Variants in KIAA0319L observed in about 807,000 individuals in gnomAD.
KIAA0319L encodes dyslexia-associated protein KIAA0319-like protein.
KIAA0319L carries 55 observed loss-of-function variants against 120.1 expected under a neutral mutation model. The observed-to-expected ratio is 0.46, with a 90% confidence interval of 0.37 to 0.57. The LOEUF is 0.57. Among genes scored for constraint, KIAA0319L ranks in the 20% least tolerant of loss-of-function variants. KIAA0319L has a pLI of 0.00. For synonymous variants in KIAA0319L, 398 were observed against 471.9 expected, an observed-to-expected ratio of 0.84 and a Z score of 2.03; for missense variants, 1,049 against 1,255.3, an observed-to-expected ratio of 0.84 and a Z score of 2.48.
At chr1:35,511,910 TTA>T (rs1645461487) in intron 2 of KIAA0319L, among the ~76,000 whole-genome samples, 2 of 152,188 alleles carry the variant, frequency 1.3e-5, no homozygotes, top group African/African-American at 4.8e-5. Context: ...AATCTATATA[TTA>T]TGTTCTTATT....
At chr1:35,484,856 C>T (rs1180841964) in intron 3 of KIAA0319L, among the ~76,000 whole-genome samples, 1 of 132,296 alleles carries the variant, frequency 7.6e-6, no homozygotes, top group Admixed American at 8.2e-5. Context: ...GCACATTGTG[C>T]AGGTTAGTTA....
At chr1:35,481,954 A>G (rs2149148368) in intron 3 of KIAA0319L, among the ~76,000 whole-genome samples, 2 of 149,702 alleles carry the variant, frequency 1.3e-5, no homozygotes, top group Admixed American at 1.4e-4. Context: ...CCTCCTGAGT[A>G]GCTGGGACTA....
chr1:35,442,142 A>C (rs1641272586), intron 19 of KIAA0319L, 104 bp downstream of exon 19: 4 of 858,210 alleles, frequency 4.7e-6, no homozygotes, highest in Non-Finnish European at 7.9e-6. Flanking sequence ...ATGCTGACTA[A>C]GGACCCAGCC....
chr1:35,508,424 C>T (rs917711518), intron 2 of KIAA0319L, among the ~76,000 whole-genome samples: 1 of 152,128 alleles, frequency 6.6e-6, no homozygotes, highest in South Asian at 2.1e-4. Flanking sequence ...CTGACTCCCA[C>T]GGAATACTTA....
Position 35,470,938 on chromosome 1 carries a change from C to A in KIAA0319L, c.1038G>T (p.Trp346Cys). Reference protein sequence around the residue: ...PPKGETYTYDWQLITHPRDYS... With the variant: ...PPKGETYTYDCQLITHPRDYS... ...AGTCTCTAGGATGAGTAATCAGCTG[C>A]CAGTCGTAGGTGTAGGTTTCTCCTA... Residue 346 changes from tryptophan (W) to cysteine (C), a missense_variant, in exon 6 of 21, where the codon TGG (tryptophan) becomes TGT (cysteine). Coordinates refer to ENST00000325722, the MANE Select transcript of KIAA0319L (RefSeq NM_024874.5). 6.2e-7 allele frequency: 1 copy of A among 1,611,498 alleles called. No individual in the cohort carries two copies. The highest frequency in any genetic ancestry group is 8.5e-7 in the Non-Finnish European group (1 of 1,177,628).
chr1:35,483,562 A>G (rs910792152), intron 3 of KIAA0319L, among the ~76,000 whole-genome samples: 2 of 152,174 alleles, frequency 1.3e-5, no homozygotes, highest in African/African-American at 4.8e-5. Flanking sequence ...TCTGGACTCT[A>G]TATTATGTTC....
In KIAA0319L at chr1:35,509,304, T is replaced by C. The variant is rs545554467; in HGVS notation, c.143-2169A>G. 2.6e-5 allele frequency among the ~76,000 whole-genome samples: 4 copies of C among 152,332 alleles called. No individual in the cohort carries two copies. In the East Asian group the frequency reaches 7.7e-4, roughly 29 times the overall value. ...GAACACTGATTTACTAAGGTATAGG[T>C]TGAAACTGCATGAGGGAAATTAGAA... On this transcript the variant is annotated intron_variant, in intron 2 of 20. Coordinates refer to ENST00000325722, the MANE Select transcript of KIAA0319L (RefSeq NM_024874.5).
At chr1:35,477,528 G>T (rs893509871) in intron 4 of KIAA0319L, among the ~76,000 whole-genome samples, 7 of 151,992 alleles carry the variant, frequency 4.6e-5, no homozygotes, top group Admixed American at 6.5e-5. Flanking sequence ...TTAGCTGGGC[G>T]TGGTGGTGGG....
At chr1:35,475,356 T>A (rs1049015376) in intron 4 of KIAA0319L, among the ~76,000 whole-genome samples, 1 of 152,218 alleles carries the variant, frequency 6.6e-6, no homozygotes. Flanking sequence ...AACAAATAAC[T>A]TTCTAATAAG....
At position 35,450,574 on chromosome 1, in the gene KIAA0319L, T is replaced by A. The variant is rs984224457; in HGVS notation, c.2063-65A>T. On this transcript the variant is annotated intron_variant, in intron 13 of 20. Transcript: ENST00000325722. ...GAAAAGAAGAAATGTTTCTTCATGA[T>A]GCTTATGGGGAAATTAAAACATCAA... 33 of 1,474,442 alleles carry A rather than the reference T, an allele frequency of 2.2e-5. No homozygotes were observed. The Admixed American group carries it at 5.7e-4, about 25-fold the overall frequency. 91.3% of individuals were successfully genotyped at this position (1,474,442 alleles called of 1,614,324 possible).
intron 4 of KIAA0319L, among the ~76,000 whole-genome samples, chr1:35,475,991 A>G (rs190538683): frequency 3.5e-4 from 53 of 152,328 alleles, no homozygotes; most frequent in African/African-American, 1.3e-3. Flanking sequence ...TAAATACAGC[A>G]TTTTGTTTCT....
At chr1:35,461,570 A>G (rs1282711314) in intron 8 of KIAA0319L, among the ~76,000 whole-genome samples, 2 of 152,244 alleles carry the variant, frequency 1.3e-5, no homozygotes, top group African/African-American at 4.8e-5. Context: ...AGGACTATAT[A>G]TATATTTTCT....
chr1:35,452,619 T>C (rs577512377), intron 12 of KIAA0319L, among the ~76,000 whole-genome samples: 13 of 152,290 alleles, frequency 8.5e-5, no homozygotes, highest in East Asian at 5.8e-4. Context: ...TAAACACTAA[T>C]AAAACTCAGC....
At chr1:35,502,287 AAAG>A (rs1296857189) in intron 3 of KIAA0319L, among the ~76,000 whole-genome samples, 1 of 152,010 alleles carries the variant, frequency 6.6e-6, no homozygotes, top group Non-Finnish European at 1.5e-5. Context: ...AAAAAAAAAA[AAAG>A]AAAAAAAAAA....
upstream of KIAA0319L, chr1:35,557,625 G>T: frequency 2.2e-6 from 1 of 454,192 alleles, no homozygotes; most frequent in South Asian, 1.6e-5. Flanking sequence ...TCCTTCGCTC[G>T]AGCCCCAGCC....
intron 9 of KIAA0319L, among the ~76,000 whole-genome samples, chr1:35,458,943 G>GTT (rs1642690950): frequency 6.6e-6 from 1 of 152,144 alleles, no homozygotes; most frequent in Admixed American, 6.5e-5. Context: ...TTGAATCAAT[G>GTT]GAAATCCTGC....
intron 7 of KIAA0319L, 93 bp downstream of exon 7, chr1:35,466,515 A>G: frequency 1.2e-6 from 1 of 823,286 alleles, no homozygotes; most frequent in Admixed American, 2.4e-5. Context: ...CATTACAAAA[A>G]AAATGAGAAT....
chr1:35,540,038 A>G (rs937420587), intron 2 of KIAA0319L, among the ~76,000 whole-genome samples: 3 of 152,260 alleles, frequency 2.0e-5, no homozygotes, highest in Non-Finnish European at 4.4e-5. Context: ...GAATCAAAAC[A>G]TAATGTTAAG....
intron 3 of KIAA0319L, among the ~76,000 whole-genome samples, chr1:35,482,542 G>C (rs972601571): frequency 1.3e-5 from 2 of 151,132 alleles, no homozygotes; most frequent in African/African-American, 4.9e-5. Flanking sequence ...CGATTCTCCT[G>C]CCTCAGCCTC....
Sources: gnomAD v4.1 joint callset for allele counts (sites outside exome capture counted in the v4.1 genomes callset) on GRCh38, gnomAD v4.1.1 for gene constraint, MANE v1.5 for transcripts, NCBI Gene and HGNC (gene_info 2026-07-23, HGNC 2026-07-21) for gene names.